The following PCIF1 variants were observed in gnomAD, a reference collection of about 807,000 sequenced individuals.
The protein encoded by PCIF1 is phosphorylated CTD interacting factor 1.
In PCIF1, 12 loss-of-function variants were observed where a neutral mutation model predicts 86.9. That is an observed-to-expected ratio of 0.14 (90% CI 0.09 to 0.22). The LOEUF is 0.22. Among genes scored for constraint, PCIF1 ranks in the 10% least tolerant of loss-of-function variants. The pLI is 1.00. For missense variants in PCIF1, 701 were observed against 951.1 expected (o/e 0.74, Z 3.46); for synonymous variants, 397 against 372.0 (o/e 1.07, Z -0.77).
At position 45,938,539 on chromosome 20, in the gene PCIF1, G is replaced by C. The variant is rs144667617; in HGVS notation, c.-19-442G>C. ...CCTGTTGGGTCCAGGTCCTAGGCCT[G>C]AGCACAGGAGAGAGCTGAATTGGAC... On this transcript the variant is annotated intron_variant, in intron 2 of 16. Transcript: ENST00000372409. 2.4e-3 allele frequency among the ~76,000 whole-genome samples: 359 copies of C among 152,312 alleles called. 1 individual carries two copies. Among genetic ancestry groups the C allele is most frequent in the African/African-American group, 8.5e-3 (352 of 41,560 alleles).
intron 1 of PCIF1, 86 bp from the exon 2 acceptor site, chr20:45,937,332 C>T (rs2083435553): frequency 2.5e-6 from 1 of 398,690 alleles, no homozygotes; most frequent in Admixed American, 4.4e-5. Flanking sequence ...CCTGGAGGCC[C>T]CCAACTTGCT....
chr20:45,943,391 T>C lies in PCIF1; in HGVS notation c.873T>C (p.Tyr291=), dbSNP rs777960495. Residue 291 remains tyrosine (Y), a synonymous_variant, in exon 9 of 17, where the codon TAT becomes TAC. Transcript: ENST00000372409. The surrounding 1 kb of genome is among the most constrained non-coding windows in gnomAD (Gnocchi z 5.5). ...REEAKRLLFK[Y]AEAARRLIES... is the part of the protein sequence containing the mutation. Reference sequence around the variant, plus strand: ...AAGCCAAGCGCCTGCTCTTTAAATATGCGGAGGCCGCCAGGCGGCTCATCG... The same window carrying C: ...AAGCCAAGCGCCTGCTCTTTAAATACGCGGAGGCCGCCAGGCGGCTCATCG... 6 of 1,613,974 alleles carry C rather than the reference T, an allele frequency of 3.7e-6. No individual in the cohort carries two copies. Among genetic ancestry groups the C allele is most frequent in the South Asian group, 2.2e-5 (2 of 91,076 alleles).
intron 11 of PCIF1, 94 bp downstream of exon 11, chr20:45,945,124 C>T (rs2083511429): frequency 2.8e-6 from 4 of 1,422,430 alleles, no homozygotes; most frequent in South Asian, 2.8e-5. Context: ...AGGCCAGGGA[C>T]TGGTTTGGGG....
chr20:45,938,194 C>T (rs1281911666), intron 2 of PCIF1, among the ~76,000 whole-genome samples: 1 of 152,186 alleles, frequency 6.6e-6, no homozygotes, highest in Non-Finnish European at 1.5e-5. Context: ...AACTGGCCTC[C>T]TTGCTGGTAC....
chr20:45,947,330 C>G lies in PCIF1; in HGVS notation c.1775C>G (p.Pro592Arg), dbSNP rs916561608. Residue 592 changes from proline to arginine, a missense_variant, in exon 16 of 17, where the codon CCA becomes CGA. By Grantham distance (103) the Pro-to-Arg change is moderately radical (BLOSUM62 -2). Transcript: ENST00000372409. The surrounding 1 kb of genome is among the most constrained non-coding windows in gnomAD (Gnocchi z 5.4). ...TTCATCCCTGAGTGGCGGGAACCCC[C>G]AACACCAGCGCTCACCCGCATGGAG... is the stretch of plus-strand genomic sequence containing the variant. ...IVFIPEWREP[P>R]TPALTRMEQS... The G allele has an allele frequency of 1.2e-6, 2 of 1,613,904 alleles. No homozygotes were observed. The highest frequency in any genetic ancestry group is 2.2e-5 in the East Asian group (1 of 44,894).
intron 14 of PCIF1, 48 bp downstream of exon 14, chr20:45,946,432 C>T (rs1322216041): frequency 1.9e-6 from 3 of 1,588,288 alleles, no homozygotes; most frequent in Non-Finnish European, 2.6e-6. Flanking sequence ...AAGAGGTCCT[C>T]CAGAGCACAG....
rs2083522144 is a variant in PCIF1, at chr20:45,946,018, C to T, written c.1342-11C>T. On this transcript the variant is annotated splice_polypyrimidine_tract_variant and intron_variant, in intron 12 of 16. Coordinates refer to ENST00000372409, the MANE Select transcript of PCIF1 (RefSeq NM_022104.4). Reference sequence around the variant, plus strand: ...CTGCTGAAGGCTCCTCCTCTCTGTCCCGCTCCACAGTGGCTCCTTTACCGC... The same window carrying T: ...CTGCTGAAGGCTCCTCCTCTCTGTCTCGCTCCACAGTGGCTCCTTTACCGC... 1.2e-6 allele frequency: 2 copies of T among 1,614,074 alleles called. No individual in the cohort carries two copies. The highest frequency in any genetic ancestry group is 2.2e-5 in the East Asian group (1 of 44,870).
chr20:45,939,269 CCTA>C lies in PCIF1; in HGVS notation c.185_187del (p.Tyr62del). On this transcript the variant is annotated inframe_deletion, in exon 4 of 17. Coordinates refer to ENST00000372409, the MANE Select transcript of PCIF1 (RefSeq NM_022104.4). Reference sequence around the variant, plus strand: ...TGCTGGAGCCGGAGGGAGAATCGTCCCTACTACTTCAACCGATTCACCAACCAG... The same window carrying C: ...TGCTGGAGCCGGAGGGAGAATCGTCCCTACTTCAACCGATTCACCAACCAG... 1 of 1,613,766 alleles carries C rather than the reference CCTA, an allele frequency of 6.2e-7. No homozygotes were observed. Among genetic ancestry groups the C allele is most frequent in the Non-Finnish European group, 8.5e-7 (1 of 1,180,022 alleles).
intron 4 of PCIF1, among the ~76,000 whole-genome samples, chr20:45,940,080 C>T (rs2083456914): frequency 6.6e-6 from 1 of 152,334 alleles, no homozygotes; most frequent in East Asian, 1.9e-4. Flanking sequence ...TCTGCAGGGC[C>T]TTGCTTTTTA....
chr20:45,945,941 T>C, intron 12 of PCIF1, 58 bp downstream of exon 12: 1 of 1,613,222 alleles, frequency 6.2e-7, no homozygotes, highest in Non-Finnish European at 8.5e-7. Context: ...CCTAGGATCT[T>C]TCCTGAGCAG....
intron 5 of PCIF1, 80 bp from the exon 6 acceptor site, chr20:45,940,729 G>A (rs998268948): frequency 6.3e-7 from 1 of 1,575,962 alleles, no homozygotes; most frequent in African/African-American, 1.4e-5. Flanking sequence ...CTGGGACACA[G>A]TTCACCAGGT....
At position 45,947,090 on chromosome 20, in the gene PCIF1, C is replaced by G; in HGVS notation, c.1631C>G (p.Ala544Gly). Residue 544 changes from alanine (A) to glycine (G), a missense_variant, in exon 15 of 17, where the codon GCT becomes GGT. Around this residue, in one of 7 missense-constraint regions of PCIF1, gnomAD observed 61 missense variants for 118.5 expected, o/e 0.51. Transcript: ENST00000372409. The surrounding 1 kb of genome is among the most constrained non-coding windows in gnomAD (Gnocchi z 5.4). ...GTCCCCAGGCCCTGCCTAGACTTTG[C>G]TCCACTGAGTGGTTCATTTGAGGCC... is the stretch of plus-strand genomic sequence containing the variant. Reference protein sequence around the residue: ...FGSRGPCLDFAPLSGSFEANP... With the variant: ...FGSRGPCLDFGPLSGSFEANP... 1 of 1,612,116 alleles carries G rather than the reference C, an allele frequency of 6.2e-7. No homozygotes were observed. Among genetic ancestry groups the G allele is most frequent in the Non-Finnish European group, 8.5e-7 (1 of 1,178,424 alleles).
In PCIF1 at chr20:45,947,889, C is replaced by CCTGT; in HGVS notation, c.*136_*139dup. ...GGTTCTGCCAGGGCTCCCCTCCCTG[C>CCTGT]CTGTCCCCAAGTCCTCACCTCAAAC... On this transcript the variant is annotated 3_prime_UTR_variant, in exon 17 of 17. Transcript: ENST00000372409. The surrounding 1 kb of genome is among the most constrained non-coding windows in gnomAD (Gnocchi z 5.4). 1 of 1,532,770 alleles carries CCTGT rather than the reference C, an allele frequency of 6.5e-7. No homozygotes were observed. The highest frequency in any genetic ancestry group is 1.2e-5 in the South Asian group (1 of 83,346). The allele number at this position is 1,532,770 out of a possible 1,614,324, so 94.9% of individuals were successfully genotyped here.
chr20:45,937,860 C>T, intron 2 of PCIF1: 1 of 321,810 alleles, frequency 3.1e-6, no homozygotes, highest in Admixed American at 4.9e-5. Flanking sequence ...ACAATAAAAT[C>T]AGTGTCCCAA....
intron 2 of PCIF1, 36 bp downstream of exon 2, chr20:45,937,621 C>G: frequency 2.5e-6 from 1 of 398,766 alleles, no homozygotes; most frequent in Non-Finnish European, 4.4e-6. Context: ...GTCTTGAAAC[C>G]TGTGTGCTCA....
chr20:45,939,052 A>T lies in PCIF1; in HGVS notation c.53A>T (p.His18Leu). 1 of 1,613,502 alleles carries T rather than the reference A, an allele frequency of 6.2e-7. No homozygotes were observed. Among genetic ancestry groups the T allele is most frequent in the Non-Finnish European group, 8.5e-7 (1 of 1,179,878 alleles). ...SPREEASLLS[H>L]SPGTSNQSQP... is the part of the protein sequence containing the mutation. ...CGGGAGGAAGCGTCCCTGCTGAGTC[A>T]CTCCCCAGGTACCTCCAATCAGAGC... Residue 18 changes from histidine (H) to leucine (L), a missense_variant, in exon 3 of 17, where the codon CAC becomes CTC. Physicochemically the swap from His to Leu is moderately conservative, Grantham distance 99 (BLOSUM62 -3). This residue lies in a region of PCIF1 where 60 missense variants were observed against 58.6 expected (regional missense o/e 1.02). Transcript: ENST00000372409.
intron 14 of PCIF1, among the ~76,000 whole-genome samples, chr20:45,946,695 T>C (rs552762566): frequency 6.6e-6 from 1 of 152,132 alleles, no homozygotes; most frequent in African/African-American, 2.4e-5. Context: ...TCAGAGGCCT[T>C]ACAAACTAGG....
In PCIF1 at chr20:45,943,072, C is replaced by G; in HGVS notation, c.674-25C>G. On this transcript the variant is annotated intron_variant, in intron 7 of 16. Transcript: ENST00000372409. The surrounding 1 kb of genome is among the most constrained non-coding windows in gnomAD (Gnocchi z 5.5). The stretch of plus-strand genomic sequence containing the variant: ...TGGGACTGCTTGATTAAATCCAGGC[C>G]TTCAGCAGCTCTCCTGTCCTGCAGG... The G allele has an allele frequency of 6.2e-7, 1 of 1,609,546 alleles. No individual in the cohort carries two copies. Among genetic ancestry groups the G allele is most frequent in the Non-Finnish European group, 8.5e-7 (1 of 1,177,310 alleles).
chr20:45,947,273 A>G lies in PCIF1; in HGVS notation c.1718A>G (p.Glu573Gly). 6.2e-7 allele frequency: 1 copy of G among 1,612,294 alleles called. No individual in the cohort carries two copies. The highest frequency in any genetic ancestry group is 8.5e-7 in the Non-Finnish European group (1 of 1,178,694). Reference protein sequence around the residue: ...AMVSHFERLLESSPEPLSFIV... With the variant: ...AMVSHFERLLGSSPEPLSFIV... ...TGTCCCCTTCCACAGAGACTGCTTG[A>G]GAGCTCACCGGAGCCCCTGTCCTTC... is the stretch of plus-strand genomic sequence containing the variant. Residue 573 changes from glutamate (E) to glycine (G), a missense_variant, in exon 16 of 17, where the codon GAG becomes GGG. By Grantham distance (98) the Glu-to-Gly change is moderately conservative (BLOSUM62 -2). This residue lies in a region of PCIF1 where 174 missense variants were observed against 206.9 expected (regional missense o/e 0.84). Transcript: ENST00000372409. This position sits in a 1 kb window ranked among gnomAD's most constrained non-coding sequence, Gnocchi z 5.4.
Sources: allele counts gnomAD v4.1 joint callset (sites outside exome capture counted in the v4.1 genomes callset), GRCh38; gene constraint gnomAD v4.1.1; regional missense constraint gnomAD v4.1.1; non-coding constraint Gnocchi (gnomAD v3.1); transcripts MANE v1.5; gene names NCBI Gene and HGNC (gene_info 2026-07-23, HGNC 2026-07-21).